Variants in SORCS2 observed in about 807,000 individuals in gnomAD.
SORCS2 encodes sortilin related VPS10 domain containing receptor 2.
SORCS2 carries 100 observed loss-of-function variants against 141.6 expected under a neutral mutation model. The observed-to-expected ratio is 0.71, with a 90% CI of 0.60 to 0.83. SORCS2 has a LOEUF of 0.83. Ranked by LOEUF, SORCS2 falls within the 40% of genes least tolerant of loss-of-function variation. The probability of loss-of-function intolerance (pLI) is 0.00; values close to 1 mark genes in which losing one functional copy is unlikely to be tolerated. For synonymous variants in SORCS2, 789 were observed against 676.9 expected (o/e 1.17, Z -2.57); for missense variants, 1,646 against 1,560.2 (o/e 1.05, Z -0.93).
chr4:7,340,979 G>C (rs1720337569), intron 1 of SORCS2, among the ~76,000 whole-genome samples: 1 of 152,222 alleles, frequency 6.6e-6, no homozygotes, highest in Non-Finnish European at 1.5e-5. Context: ...TGCATGGCCA[G>C]AGCAGCTGGA....
At chr4:7,374,281 T>C (rs112337892) in intron 1 of SORCS2, among the ~76,000 whole-genome samples, 1 of 151,862 alleles carries the variant, frequency 6.6e-6, no homozygotes. Context: ...AGATGTGGGA[T>C]AATTTCTTGG....
chr4:7,394,244 C>T (rs184464606), intron 1 of SORCS2, among the ~76,000 whole-genome samples: 3 of 152,128 alleles, frequency 2.0e-5, no homozygotes, highest in Non-Finnish European at 4.4e-5. Context: ...GTAAAGTCAC[C>T]TGTATTTCTT....
chr4:7,245,122 C>G (rs1355450751), intron 1 of SORCS2, among the ~76,000 whole-genome samples: 1 of 152,164 alleles, frequency 6.6e-6, no homozygotes, highest in Non-Finnish European at 1.5e-5. Context: ...GGGCGGGAGG[C>G]TGGGCCGCTT....
intron 2 of SORCS2, among the ~76,000 whole-genome samples, chr4:7,526,161 G>T (rs1003800228): frequency 1.3e-5 from 2 of 152,266 alleles, no homozygotes; most frequent in Admixed American, 6.5e-5. Context: ...GATTCCACAT[G>T]GTCACTTGCT....
chr4:7,498,376 T>C lies in SORCS2; in HGVS notation c.549-33154T>C, dbSNP rs193269624. Among the ~76,000 whole-genome samples the C allele has an allele frequency of 2.6e-5, 4 of 152,316 alleles. No homozygotes were observed. In the East Asian group the frequency reaches 7.7e-4, roughly 29 times the overall value. On this transcript the variant is annotated intron_variant, in intron 2 of 26. Transcript: ENST00000507866. The stretch of plus-strand genomic sequence containing the variant: ...GCACCTGCCCAGAGGCTGTGTTCCT[T>C]AAGTAACTTAAATTACATAGAGAAC...
At chr4:7,480,418 A>G (rs1409865895) in intron 2 of SORCS2, among the ~76,000 whole-genome samples, 2 of 151,546 alleles carry the variant, frequency 1.3e-5, no homozygotes, top group East Asian at 2.0e-4. Context: ...CAGCACAGCA[A>G]TTCACAAAAA....
At chr4:7,300,074 G>T (rs530189914) in intron 1 of SORCS2, among the ~76,000 whole-genome samples, 1 of 152,162 alleles carries the variant, frequency 6.6e-6, no homozygotes, top group South Asian at 2.1e-4. Flanking sequence ...AGAGGATGGC[G>T]CGCCCTCCGC....
intron 1 of SORCS2, among the ~76,000 whole-genome samples, chr4:7,219,366 C>A (rs1728563029): frequency 6.6e-6 from 1 of 152,040 alleles, no homozygotes; most frequent in Non-Finnish European, 1.5e-5. Context: ...TTCTAAGGAG[C>A]CTGGTTTAAG....
chr4:7,634,328 G>A (rs952256398), intron 3 of SORCS2, among the ~76,000 whole-genome samples: 4 of 151,580 alleles, frequency 2.6e-5, no homozygotes, highest in South Asian at 2.1e-4. Context: ...AGACGAGATC[G>A]TGCCGCTGCA....
intron 2 of SORCS2, among the ~76,000 whole-genome samples, chr4:7,440,944 A>G (rs931733720): frequency 6.6e-6 from 1 of 152,176 alleles, no homozygotes; most frequent in African/African-American, 2.4e-5. Context: ...GAGACAGACC[A>G]TGAATGAGTG....
intron 7 of SORCS2, among the ~76,000 whole-genome samples, chr4:7,666,244 G>A (rs1222574461): frequency 6.6e-6 from 1 of 152,010 alleles, no homozygotes; most frequent in Non-Finnish European, 1.5e-5. Context: ...TCTGGTCTGT[G>A]TTCAGACCCG....
chr4:7,571,429 G>T (rs1715385098), intron 3 of SORCS2, among the ~76,000 whole-genome samples: 1 of 152,196 alleles, frequency 6.6e-6, no homozygotes, highest in African/African-American at 2.4e-5. Context: ...GGGAAATTGA[G>T]TTCACTCCCC....
At position 7,740,410 on chromosome 4, in the gene SORCS2, A is replaced by G. The variant is rs555861751; in HGVS notation, c.*146A>G. ...CAGGCGACAGGCACCACCCCCTCTG[A>G]TAAATCCAAGCCCGCCCAGGCCCAC... On this transcript the variant is annotated 3_prime_UTR_variant, in exon 27 of 27. Transcript: ENST00000507866. The G allele has an allele frequency of 2.4e-4, 173 of 730,666 alleles. No individual in the cohort carries two copies. In the African/African-American group the frequency reaches 2.5e-3, roughly 11 times the overall value. The allele number at this position is 730,666 out of a possible 1,614,324, so 45.3% of individuals were successfully genotyped here.
chr4:7,297,657 G>A (rs1717168979), intron 1 of SORCS2, among the ~76,000 whole-genome samples: 1 of 152,234 alleles, frequency 6.6e-6, no homozygotes. Flanking sequence ...TATAAAATGA[G>A]AACCGTGCTC....
rs114981645 is a variant in SORCS2 at position 7,233,456 on chromosome 4, G to A, written c.480+40330G>A. On this transcript the variant is annotated intron_variant, in intron 1 of 26. Coordinates refer to ENST00000507866, the MANE Select transcript of SORCS2 (RefSeq NM_020777.3). The surrounding 1 kb of genome is among the most constrained non-coding windows in gnomAD (Gnocchi z 4.5). Reference sequence around the variant, plus strand: ...CCATCCTGTTTCCATCCAGGGGCCCGGACACTGGGCCACAGTGCAGTACAG... The same window carrying A: ...CCATCCTGTTTCCATCCAGGGGCCCAGACACTGGGCCACAGTGCAGTACAG... Among the ~76,000 whole-genome samples the A allele has an allele frequency of 0.03, 4,581 of 151,938 alleles. 93 individuals carry two copies. The highest frequency in any genetic ancestry group is 0.047 in the Non-Finnish European group (3,222 of 67,994).
intron 2 of SORCS2, among the ~76,000 whole-genome samples, chr4:7,453,595 G>C (rs1728645178): frequency 7.3e-6 from 1 of 136,182 alleles, no homozygotes; most frequent in Non-Finnish European, 1.6e-5. Context: ...GCACTGTGTT[G>C]GGGTCAGGAG....
At chr4:7,586,322 T>C (rs1045115144) in intron 3 of SORCS2, among the ~76,000 whole-genome samples, 2 of 152,226 alleles carry the variant, frequency 1.3e-5, no homozygotes, top group Non-Finnish European at 1.5e-5. Flanking sequence ...ACGATGTTTT[T>C]TCTTCAACAT....
chr4:7,273,611 A>G (rs571728416), intron 1 of SORCS2, among the ~76,000 whole-genome samples: 1 of 152,302 alleles, frequency 6.6e-6, no homozygotes, highest in South Asian at 2.1e-4. Context: ...TTGCACCCCT[A>G]CTGAGAGACT....
chr4:7,680,262 TACTC>T (rs1723434376), intron 9 of SORCS2, among the ~76,000 whole-genome samples: 1 of 152,160 alleles, frequency 6.6e-6, no homozygotes, highest in South Asian at 2.1e-4. Context: ...CTCACACTCA[TACTC>T]ACACACAGAG....
Sources: gnomAD v4.1 joint callset for allele counts (sites outside exome capture counted in the v4.1 genomes callset) on GRCh38, gnomAD v4.1.1 for gene constraint, Gnocchi (gnomAD v3.1) non-coding constraint, MANE v1.5 for transcripts, NCBI Gene and HGNC (gene_info 2026-07-23, HGNC 2026-07-21) for gene names.